The following CDH11 variants were observed in gnomAD, a reference collection of about 807,000 sequenced individuals.
CDH11 encodes cadherin-11.
In CDH11, 11 loss-of-function variants were observed where a neutral mutation model predicts 67.8. The observed-to-expected ratio is 0.16, with a 90% confidence interval of 0.10 to 0.27. The LOEUF (loss-of-function observed/expected upper bound fraction) is 0.27. Among genes scored for constraint, CDH11 ranks in the 10% least tolerant of loss-of-function variants. The pLI, the probability that CDH11 is intolerant of heterozygous loss-of-function variation, is 1.00. For synonymous variants in CDH11, 419 were observed against 400.0 expected (o/e 1.05, Z -0.57); for missense variants, 847 against 1,031.2 (o/e 0.82, Z 2.45).
intron 11 of CDH11, among the ~76,000 whole-genome samples, chr16:64,951,611 C>G (rs914245993): frequency 6.6e-6 from 1 of 152,004 alleles, no homozygotes; most frequent in African/African-American, 2.4e-5. Context: ...TGTTAGCACA[C>G]GAAATATTAA....
chr16:65,122,775 GC>G (rs919442065), upstream of CDH11, among the ~76,000 whole-genome samples: 3 of 152,024 alleles, frequency 2.0e-5, no homozygotes, highest in African/African-American at 7.2e-5. Context: ...CTCGTCTAGT[GC>G]CCCCCACGCA....
intron 2 of CDH11, among the ~76,000 whole-genome samples, chr16:65,033,394 A>G (rs568812122): frequency 6.6e-5 from 10 of 152,320 alleles, no homozygotes; most frequent in African/African-American, 2.4e-4. Flanking sequence ...CAGAATGATG[A>G]AGCTACATTC....
intron 1 of CDH11, among the ~76,000 whole-genome samples, chr16:65,086,856 A>G (rs1347794027): frequency 6.6e-6 from 1 of 152,224 alleles, no homozygotes; most frequent in Admixed American, 6.5e-5. Context: ...TCTGAAGGCC[A>G]GGGTATGGTA....
rs564306817 is a variant in CDH11, at chr16:64,982,044, G to C, written c.1253+4C>G. On this transcript the variant is annotated splice_donor_region_variant and intron_variant, in intron 8 of 12. Coordinates refer to ENST00000268603, the MANE Select transcript of CDH11 (RefSeq NM_001797.4). ...CCAAGCTCTTAAAATAAATCCGTCT[G>C]TACCTTATCGGGCTGTTGGCAGCAT... The C allele has an allele frequency of 1.9e-6, 3 of 1,608,978 alleles. No individual in the cohort carries two copies. The highest frequency in any genetic ancestry group is 2.2e-5 in the East Asian group (1 of 44,806).
chr16:65,029,686 G>A (rs1232469783), intron 2 of CDH11, among the ~76,000 whole-genome samples: 1 of 152,198 alleles, frequency 6.6e-6, no homozygotes, highest in Non-Finnish European at 1.5e-5. Context: ...AACATTGAAC[G>A]TTGTTTATAC....
chr16:65,088,976 G>T lies in CDH11; in HGVS notation c.-298+32904C>A, dbSNP rs1284528858. On this transcript the variant is annotated intron_variant, in intron 1 of 12. Coordinates refer to ENST00000268603, the MANE Select transcript of CDH11 (RefSeq NM_001797.4). ...GGAAAAAGTCAAGACATCAACATAT[G>T]TGTTCAAAGAAATGGAAAGTGCATT... 2.0e-5 allele frequency among the ~76,000 whole-genome samples: 3 copies of T among 152,260 alleles called. No homozygotes were observed. In the East Asian group the frequency reaches 5.8e-4, roughly 29 times the overall value.
At chr16:65,123,667 G>A (rs1487174486), upstream of CDH11, 1 of 152,166 alleles carries the variant, frequency 6.6e-6, no homozygotes, top group African/African-American at 2.4e-5. Flanking sequence ...GCTGCCCCGG[G>A]ACCTACCCTC....
Position 64,982,502 on chromosome 16 carries a change from T to C in CDH11, c.1000-201A>G, listed in dbSNP as rs146667041. 451 of 572,998 alleles carry C rather than the reference T, an allele frequency of 7.9e-4. 8 individuals are homozygous for C. The East Asian group carries it at 0.012, about 16-fold the overall frequency. The allele number at this position is 572,998 out of a possible 1,614,324, so 35.5% of individuals were successfully genotyped here. A position where few individuals can be genotyped will look rare whatever the true frequency, so the allele number is the denominator to read the frequency against. ...AACCTAGAATGTGCTTAATGGGTCA[T>C]TCGAAGAGCACAACAGACACAGAAA... On this transcript the variant is annotated intron_variant, in intron 7 of 12. Transcript: ENST00000268603.
intron 1 of CDH11, among the ~76,000 whole-genome samples, chr16:65,115,008 T>C (rs1158333996): frequency 6.6e-6 from 1 of 152,112 alleles, no homozygotes; most frequent in Non-Finnish European, 1.5e-5. Flanking sequence ...AGTCTTGAAA[T>C]GGAGACGATT....
chr16:65,085,347 C>T (rs1428656530), intron 1 of CDH11, among the ~76,000 whole-genome samples: 1 of 152,182 alleles, frequency 6.6e-6, no homozygotes, highest in African/African-American at 2.4e-5. Flanking sequence ...TGGGTTGCTG[C>T]CCCATTCCAC....
rs187708013 is a variant in CDH11, at chr16:64,944,785, C to T, written c.*2818G>A. 45 of 230,400 alleles carry T rather than the reference C, an allele frequency of 2.0e-4. No homozygotes were observed. Among genetic ancestry groups the T allele is most frequent in the South Asian group, 3.6e-4 (2 of 5,512 alleles). The allele number at this position is 230,400 out of a possible 1,614,324, so 14.3% of individuals were successfully genotyped here. A position where few individuals can be genotyped will look rare whatever the true frequency, so the allele number is the denominator to read the frequency against. ...GAATTGCCACAGCTGGCCTAATTTC[C>T]GCTCACACTCTATATCTCACCATCT... On this transcript the variant is annotated 3_prime_UTR_variant, in exon 13 of 13. Transcript: ENST00000268603.
At chr16:65,101,669 T>C (rs887989692) in intron 1 of CDH11, among the ~76,000 whole-genome samples, 1 of 152,192 alleles carries the variant, frequency 6.6e-6, no homozygotes, top group Non-Finnish European at 1.5e-5. Context: ...ATGATGACTA[T>C]CTTCCTCAAG....
At chr16:65,094,292 A>C (rs763816415) in intron 1 of CDH11, among the ~76,000 whole-genome samples, 1 of 152,206 alleles carries the variant, frequency 6.6e-6, no homozygotes, top group Non-Finnish European at 1.5e-5. Flanking sequence ...TTATAAAACT[A>C]AACAAAATAA....
Position 64,988,930 on chromosome 16 carries a change from T to G in CDH11, c.812-586A>C, listed in dbSNP as rs536517518. Among the ~76,000 whole-genome samples the G allele has an allele frequency of 3.3e-5, 5 of 152,284 alleles. No individual in the cohort carries two copies. The South Asian group carries it at 1.0e-3, about 32-fold the overall frequency. ...CATGCGTTACCTTCTCCAGAAGGCTTTCCTGCAGTGTGACCCTCCTATATA... is the reference window on the plus strand; with the variant it reads ...CATGCGTTACCTTCTCCAGAAGGCTGTCCTGCAGTGTGACCCTCCTATATA... On this transcript the variant is annotated intron_variant, in intron 6 of 12. Coordinates refer to ENST00000268603, the MANE Select transcript of CDH11 (RefSeq NM_001797.4).
intron 4 of CDH11, among the ~76,000 whole-genome samples, chr16:64,998,265 G>A (rs1046174535): frequency 6.6e-6 from 1 of 152,180 alleles, no homozygotes; most frequent in Non-Finnish European, 1.5e-5. Flanking sequence ...AAATAAAATA[G>A]TGCATGTAAG....
At chr16:65,068,091 A>T (rs2142759139) in intron 1 of CDH11, among the ~76,000 whole-genome samples, 1 of 130,498 alleles carries the variant, frequency 7.7e-6, no homozygotes, top group South Asian at 3.1e-4. Flanking sequence ...GAGAGAGAAG[A>T]AAGAAAGGCG....
intron 11 of CDH11, among the ~76,000 whole-genome samples, chr16:64,958,736 A>C (rs1567489598): frequency 6.6e-6 from 1 of 152,184 alleles, no homozygotes; most frequent in Non-Finnish European, 1.5e-5. Context: ...TAGGTTGGTT[A>C]ATTAGTTGAA....
chr16:65,081,057 C>A (rs2074600944), intron 1 of CDH11, among the ~76,000 whole-genome samples: 2 of 152,118 alleles, frequency 1.3e-5, no homozygotes, highest in South Asian at 4.1e-4. Context: ...TATCAAAATT[C>A]ACATTTTAAT....
chr16:65,003,490 C>G (rs1314952967), intron 3 of CDH11, among the ~76,000 whole-genome samples: 1 of 152,166 alleles, frequency 6.6e-6, no homozygotes, highest in Admixed American at 6.5e-5. Context: ...CTCCTGACAT[C>G]CCGTGATTCA....
Sources: gnomAD v4.1 joint callset for allele counts (sites outside exome capture counted in the v4.1 genomes callset) on GRCh38, gnomAD v4.1.1 for gene constraint, MANE v1.5 for transcripts, NCBI Gene and HGNC (gene_info 2026-07-23, HGNC 2026-07-21) for gene names.